MAST4: variants seen among roughly 807,000 people sequenced by gnomAD.
MAST4 encodes microtubule associated serine/threonine kinase family member 4.
Under a neutral mutation model 162.7 loss-of-function variants are expected in MAST4, and 89 were observed. The observed-to-expected ratio is 0.55, with a 90% confidence interval of 0.46 to 0.65. The LOEUF (loss-of-function observed/expected upper bound fraction) is 0.65, where lower values mean the gene tolerates loss of function less well. Among genes scored for constraint, MAST4 ranks in the 30% least tolerant of loss-of-function variants. The pLI, the probability that MAST4 is intolerant of heterozygous loss-of-function variation, is 0.00. For missense variants in MAST4, 3,153 were observed against 3,374.0 expected (o/e 0.93, Z 1.62); for synonymous variants, 1,479 against 1,361.1 (o/e 1.09, Z -1.91).
At chr5:66,933,904 G>A (rs1742438034) in intron 4 of MAST4, among the ~76,000 whole-genome samples, 1 of 151,816 alleles carries the variant, frequency 6.6e-6, no homozygotes, top group Non-Finnish European at 1.5e-5. Context: ...GTTGCCCTGG[G>A]TGGTGTTGAA....
At chr5:66,607,539 GA>G (rs1367616913) in intron 1 of MAST4, among the ~76,000 whole-genome samples, 2 of 152,212 alleles carry the variant, frequency 1.3e-5, no homozygotes, top group Admixed American at 6.5e-5. Context: ...GGTTTCTGAT[GA>G]AGTATTGACA....
At chr5:66,941,616 A>G (rs1405033823) in intron 4 of MAST4, among the ~76,000 whole-genome samples, 1 of 152,134 alleles carries the variant, frequency 6.6e-6, no homozygotes, top group East Asian at 1.9e-4. Context: ...CTTTCTTACC[A>G]TTTGTGTGTT....
At chr5:66,967,232 G>C (rs549885412) in intron 4 of MAST4, among the ~76,000 whole-genome samples, 36 of 152,216 alleles carry the variant, frequency 2.4e-4, no homozygotes, top group African/African-American at 8.7e-4. Context: ...ATGACACACA[G>C]AGTTTCTAAA....
intron 4 of MAST4, among the ~76,000 whole-genome samples, chr5:67,006,814 C>A (rs1163363976): frequency 6.6e-6 from 1 of 152,162 alleles, no homozygotes; most frequent in Non-Finnish European, 1.5e-5. Context: ...AGCCTAGATT[C>A]TAAGGAAACC....
At chr5:66,745,360 G>A (rs1752690368) in intron 1 of MAST4, among the ~76,000 whole-genome samples, 1 of 152,212 alleles carries the variant, frequency 6.6e-6, no homozygotes. Context: ...GATGTATGGT[G>A]CCCATGGAGT....
intron 4 of MAST4, among the ~76,000 whole-genome samples, chr5:66,990,627 C>T (rs1749978097): frequency 1.3e-5 from 2 of 152,094 alleles, no homozygotes; most frequent in African/African-American, 4.8e-5. Context: ...AGACAGAAGC[C>T]TTGTCTCCCC....
At chr5:67,139,783 A>G (rs1581695959) in intron 19 of MAST4, among the ~76,000 whole-genome samples, 1 of 152,330 alleles carries the variant, frequency 6.6e-6, no homozygotes. Context: ...AGTTTAGTCC[A>G]GAGGTCATTT....
At chr5:66,702,437 G>C (rs1452415613) in intron 1 of MAST4, among the ~76,000 whole-genome samples, 3 of 152,166 alleles carry the variant, frequency 2.0e-5, no homozygotes, top group African/African-American at 7.2e-5. Flanking sequence ...CCAGTGGCGT[G>C]CTAAGATAAA....
At chr5:66,721,088 C>T (rs1263114269) in intron 1 of MAST4, among the ~76,000 whole-genome samples, 1 of 152,198 alleles carries the variant, frequency 6.6e-6, no homozygotes, top group African/African-American at 2.4e-5. Context: ...TTTCTCCCCA[C>T]CTCTTACACC....
At chr5:67,117,006 A>G (rs1766997589) in intron 12 of MAST4, among the ~76,000 whole-genome samples, 1 of 152,148 alleles carries the variant, frequency 6.6e-6, no homozygotes. Context: ...ATCCAAATTG[A>G]CGCACCTCTT....
intron 1 of MAST4, among the ~76,000 whole-genome samples, chr5:66,698,727 T>G (rs1279944574): frequency 2.0e-5 from 3 of 152,128 alleles, no homozygotes; most frequent in Non-Finnish European, 4.4e-5. Flanking sequence ...TAACAGAGCT[T>G]TTGCTTCCCC....
chr5:67,002,267 A>C (rs758261621), intron 4 of MAST4, among the ~76,000 whole-genome samples: 8 of 152,110 alleles, frequency 5.3e-5, no homozygotes, highest in Non-Finnish European at 1.2e-4. Flanking sequence ...GGGATTCTCA[A>C]AAATTCAGTA....
intron 4 of MAST4, among the ~76,000 whole-genome samples, chr5:66,950,606 T>A (rs1272835361): frequency 1.3e-5 from 2 of 152,214 alleles, no homozygotes; most frequent in Non-Finnish European, 2.9e-5. Flanking sequence ...TGTTGTAATA[T>A]GTGTCAGAAT....
intron 4 of MAST4, among the ~76,000 whole-genome samples, chr5:67,005,865 A>G (rs146108682): frequency 1.3e-5 from 2 of 152,312 alleles, no homozygotes; most frequent in Non-Finnish European, 2.9e-5. Context: ...TTGTGTTAAT[A>G]CTGATTCTTT....
Position 67,167,083 on chromosome 5 carries a change from C to G in MAST4, c.*32C>G. The G allele has an allele frequency of 6.6e-7, 1 of 1,526,688 alleles. No homozygotes were observed. The highest frequency in any genetic ancestry group is 1.4e-5 in the African/African-American group (1 of 72,116). The allele number at this position is 1,526,688 out of a possible 1,614,324, so 94.6% of individuals were successfully genotyped here. A position where few individuals can be genotyped will look rare whatever the true frequency, so the allele number is the denominator to read the frequency against. On this transcript the variant is annotated 3_prime_UTR_variant, in exon 29 of 29. Coordinates refer to ENST00000403625, the MANE Select transcript of MAST4 (RefSeq NM_001164664.2). ...GGGCCCAGGGGCAGGACTGTGGAGA[C>G]CCGTCCTGAACGGGCGACTGTGTCT...
At chr5:66,759,998 T>A in intron 2 of MAST4, 136 bp downstream of exon 2, 1 of 860,912 alleles carries the variant, frequency 1.2e-6, no homozygotes, top group Non-Finnish European at 1.6e-6. Context: ...AAATCTTATC[T>A]AATCCAGAAA....
rs1386965157 is a variant in MAST4 at position 66,635,975 on chromosome 5, T to TTTC, written c.363+38957_363+38958insTTC. Among the ~76,000 whole-genome samples, 74 of 113,568 alleles carry TTTC rather than the reference T, an allele frequency of 6.5e-4. 9 individuals are homozygous for TTTC. The highest frequency in any genetic ancestry group is 2.8e-3 in the African/African-American group (72 of 25,794). 74.5% of individuals were successfully genotyped at this position (113,568 alleles called of 152,430 possible). A position where few individuals can be genotyped will look rare whatever the true frequency, so the allele number is the denominator to read the frequency against. ...TTTTTTTTTTTTTTTTTTTTTTTTTTCGAGACAGAGTCTTGCTCTGTCACC... is the reference window on the plus strand; with the variant it reads ...TTTTTTTTTTTTTTTTTTTTTTTTTTTTCCGAGACAGAGTCTTGCTCTGTCACC... On this transcript the variant is annotated intron_variant, in intron 1 of 28. Coordinates refer to ENST00000403625, the MANE Select transcript of MAST4 (RefSeq NM_001164664.2).
chr5:66,657,074 G>A (rs1321175632), intron 1 of MAST4, among the ~76,000 whole-genome samples: 1 of 152,178 alleles, frequency 6.6e-6, no homozygotes, highest in Non-Finnish European at 1.5e-5. Flanking sequence ...AGAAGATTCA[G>A]TAAAGGTAGA....
At chr5:66,695,259 T>C (rs1235518061) in intron 1 of MAST4, among the ~76,000 whole-genome samples, 1 of 152,190 alleles carries the variant, frequency 6.6e-6, no homozygotes, top group Non-Finnish European at 1.5e-5. Flanking sequence ...CCAGCACCAT[T>C]TTTAAATAGG....
Sources: gnomAD v4.1 joint callset for allele counts (sites outside exome capture counted in the v4.1 genomes callset) on GRCh38, gnomAD v4.1.1 for gene constraint, MANE v1.5 for transcripts, NCBI Gene and HGNC (gene_info 2026-07-23, HGNC 2026-07-21) for gene names.